FAM151B: variants seen among roughly 807,000 people sequenced by gnomAD.
FAM151B encodes family with sequence similarity 151 member B.
In FAM151B, 24 loss-of-function variants were observed where a neutral mutation model predicts 31.2. The ratio of observed to expected loss-of-function variants is 0.77; its 90% CI spans 0.56 to 1.08. The LOEUF (loss-of-function observed/expected upper bound fraction) is 1.08. Among genes scored for constraint, FAM151B ranks in the 50% least tolerant of loss-of-function variants. The pLI is 0.00. For synonymous variants in FAM151B, 105 were observed against 111.4 expected (o/e 0.94, Z 0.36); for missense variants, 293 against 328.6 (o/e 0.89, Z 0.84).
rs1036031837 is a variant in FAM151B at position 80,537,124 on chromosome 5, A to C, written c.672-4549A>C. 3.3e-5 allele frequency among the ~76,000 whole-genome samples: 5 copies of C among 152,240 alleles called. No individual in the cohort carries two copies. In the East Asian group the frequency reaches 9.6e-4, roughly 29 times the overall value. On this transcript the variant is annotated intron_variant, in intron 5 of 5. Coordinates refer to ENST00000282226, the MANE Select transcript of FAM151B (RefSeq NM_205548.3). Reference sequence around the variant, plus strand: ...AGTGATCATTACATAGTACATGCCTACATCAAAACATCTCATGTACCCCAT... The same window carrying C: ...AGTGATCATTACATAGTACATGCCTCCATCAAAACATCTCATGTACCCCAT...
At chr5:80,518,115 G>A (rs1171527243) in intron 3 of FAM151B, among the ~76,000 whole-genome samples, 2 of 149,566 alleles carry the variant, frequency 1.3e-5, no homozygotes. Flanking sequence ...ATTATCAGAT[G>A]AAGAATCAAT....
At chr5:80,500,636 C>T (rs1201699799) in intron 1 of FAM151B, 1 of 764,278 alleles carries the variant, frequency 1.3e-6, no homozygotes, top group Non-Finnish European at 2.4e-6. Context: ...TGGTGTGAGC[C>T]CAAAGGTCCG....
intron 1 of FAM151B, among the ~76,000 whole-genome samples, chr5:80,490,684 A>G (rs1159605820): frequency 6.6e-6 from 1 of 152,242 alleles, no homozygotes; most frequent in Non-Finnish European, 1.5e-5. Flanking sequence ...TCTTATGTCT[A>G]GCTTCTTCCA....
chr5:80,538,412 CTT>C (rs1480641454), intron 5 of FAM151B, among the ~76,000 whole-genome samples: 11 of 50,288 alleles, frequency 2.2e-4, no homozygotes, highest in African/African-American at 1.0e-3. Flanking sequence ...TTCTTTCTTT[CTT>C]TCTTTCTTTC....
At chr5:80,524,361 A>C (rs249214) in intron 5 of FAM151B, among the ~76,000 whole-genome samples, 118,565 of 151,950 alleles carry the variant, frequency 0.78, 46,467 homozygotes, top group African/African-American at 0.83. Context: ...AAAATCTATT[A>C]TGTTAGCAAA....
At chr5:80,520,280 A>G (rs1418796683) in intron 4 of FAM151B, among the ~76,000 whole-genome samples, 1 of 152,328 alleles carries the variant, frequency 6.6e-6, no homozygotes, top group East Asian at 1.9e-4. Flanking sequence ...AGATTTCTGT[A>G]AAATGTTCCT....
chr5:80,541,587 T>C (rs1023801748), intron 5 of FAM151B, 86 bp from the exon 6 acceptor site: 1 of 1,275,772 alleles, frequency 7.8e-7, no homozygotes, highest in Non-Finnish European at 1.1e-6. Flanking sequence ...GAGTTAGAGA[T>C]AAATGAAAGC....
chr5:80,494,443 T>TTC (rs1235465642), intron 1 of FAM151B, among the ~76,000 whole-genome samples: 3 of 84,390 alleles, frequency 3.6e-5, no homozygotes, highest in African/African-American at 3.8e-5. Context: ...CTTTCTTTCT[T>TTC]TTTCTTTCTT....
In FAM151B at chr5:80,542,260, G is replaced by A. The variant is rs115931396; in HGVS notation, c.*428G>A. 1 of 154,772 alleles carries A rather than the reference G, an allele frequency of 6.5e-6. No homozygotes were observed. The highest frequency in any genetic ancestry group is 2.4e-5 in the African/African-American group (1 of 41,466). The allele number at this position is 154,772 out of a possible 1,614,324, so 9.6% of individuals were successfully genotyped here. ...TTTTAGAGATAACAAAAAAGGAAGA[G>A]GGCTTTTAAAATGTTTTTAATTTTC... On this transcript the variant is annotated 3_prime_UTR_variant, in exon 6 of 6. Coordinates refer to ENST00000282226, the MANE Select transcript of FAM151B (RefSeq NM_205548.3).
chr5:80,516,733 T>C (rs1744461516), intron 3 of FAM151B, among the ~76,000 whole-genome samples: 1 of 152,182 alleles, frequency 6.6e-6, no homozygotes, highest in African/African-American at 2.4e-5. Flanking sequence ...TTGGCCACTG[T>C]ATTTTAAATT....
chr5:80,513,446 C>T (rs551459616), intron 2 of FAM151B, among the ~76,000 whole-genome samples, 158 bp from the exon 3 acceptor site: 6 of 152,238 alleles, frequency 3.9e-5, no homozygotes, highest in East Asian at 3.9e-4. Flanking sequence ...AGAATGTGTA[C>T]GGACCTTGTA....
chr5:80,520,119 G>C (rs554368892), intron 4 of FAM151B, among the ~76,000 whole-genome samples: 1 of 152,214 alleles, frequency 6.6e-6, no homozygotes, highest in South Asian at 2.1e-4. Flanking sequence ...TTTTAAGAGA[G>C]TTCACACATT....
intron 2 of FAM151B, chr5:80,505,922 AATTTTTTGT>A: frequency 1.1e-5 from 2 of 184,248 alleles, no homozygotes; most frequent in South Asian, 1.2e-4. Flanking sequence ...ACACCCGGCT[AATTTTTTGT>A]ATTTTTTGTA....
At chr5:80,500,825 G>A (rs1011130512) in intron 1 of FAM151B, 37 of 1,458,858 alleles carry the variant, frequency 2.5e-5, no homozygotes, top group East Asian at 1.8e-4. Flanking sequence ...AATAAGAAGC[G>A]AATTGCTTTA....
intron 1 of FAM151B, among the ~76,000 whole-genome samples, chr5:80,493,826 T>A (rs1743405997): frequency 6.6e-6 from 1 of 152,156 alleles, no homozygotes; most frequent in South Asian, 2.1e-4. Flanking sequence ...CATCAGTAAT[T>A]CTAATTTTGC....
rs1561383674 is a variant in FAM151B, at chr5:80,538,460, T to TC, written c.672-3213_672-3212insC. Among the ~76,000 whole-genome samples, 351 of 82,022 alleles carry TC rather than the reference T, an allele frequency of 4.3e-3. 3 individuals are homozygous for TC. Among genetic ancestry groups the TC allele is most frequent in the African/African-American group, 0.015 (290 of 19,700 alleles). 53.8% of individuals were successfully genotyped at this position (82,022 alleles called of 152,430 possible). A position where few individuals can be genotyped will look rare whatever the true frequency, so the allele number is the denominator to read the frequency against. On this transcript the variant is annotated intron_variant, in intron 5 of 5. Coordinates refer to ENST00000282226, the MANE Select transcript of FAM151B (RefSeq NM_205548.3). Reference sequence around the variant, plus strand: ...TCTTTCTTTCTTTCTCTTTCTTTCTTTCTTTCTTTCTTTCTTTCTTTCTTT... The same window carrying TC: ...TCTTTCTTTCTTTCTCTTTCTTTCTTCTCTTTCTTTCTTTCTTTCTTTCTTT...
chr5:80,532,835 A>G lies in FAM151B; in HGVS notation c.672-8838A>G, dbSNP rs1393154353. Among the ~76,000 whole-genome samples, 4 of 152,238 alleles carry G rather than the reference A, an allele frequency of 2.6e-5. No homozygotes were observed. In the South Asian group the frequency reaches 6.2e-4, roughly 24 times the overall value. ...CACAATGGAATAAAACTAGAAATCA[A>G]TAATGAGGAATTTTGGAAACTATAC... On this transcript the variant is annotated intron_variant, in intron 5 of 5. Transcript: ENST00000282226.
At chr5:80,499,501 G>A (rs1305797052) in intron 1 of FAM151B, among the ~76,000 whole-genome samples, 1 of 151,932 alleles carries the variant, frequency 6.6e-6, no homozygotes, top group Non-Finnish European at 1.5e-5. Flanking sequence ...TATAGAATGG[G>A]GTTTCAGGTA....
At chr5:80,528,574 A>G (rs1398364663) in intron 5 of FAM151B, among the ~76,000 whole-genome samples, 1 of 152,132 alleles carries the variant, frequency 6.6e-6, no homozygotes, top group Non-Finnish European at 1.5e-5. Flanking sequence ...ATATACTTAT[A>G]TGAGACAAAA....
Sources: allele counts gnomAD v4.1 joint callset (sites outside exome capture counted in the v4.1 genomes callset), GRCh38; gene constraint gnomAD v4.1.1; transcripts MANE v1.5; gene names NCBI Gene and HGNC (gene_info 2026-07-23, HGNC 2026-07-21).